Variants in CAST observed in about 807,000 individuals in gnomAD.
The protein encoded by CAST is MIR583 host.
A neutral mutation model predicts 119.6 loss-of-function variants in CAST; 76 were observed. The observed-to-expected ratio is 0.64, with a 90% CI of 0.53 to 0.77. The LOEUF is 0.77. Ranked by LOEUF, CAST falls within the 30% of genes least tolerant of loss-of-function variation. CAST has a pLI of 0.00. For missense variants in CAST, 953 were observed against 946.5 expected (o/e 1.01, Z -0.09); for synonymous variants, 319 against 331.6 (o/e 0.96, Z 0.41).
At chr5:96,312,226 G>A in the CAST span, among the ~76,000 whole-genome samples, 1 of 151,924 alleles carries the variant, frequency 6.6e-6, no homozygotes, top group Non-Finnish European at 1.5e-5. Flanking sequence ...TTATGTTTTG[G>A]ATGTCTGAAT....
chr5:95,974,510 G>T, the CAST span, among the ~76,000 whole-genome samples: 2 of 152,180 alleles, frequency 1.3e-5, no homozygotes, highest in African/African-American at 4.8e-5. Context: ...AGATACTTGT[G>T]TTATGAATTC....
the CAST span, among the ~76,000 whole-genome samples, chr5:96,057,836 C>A: frequency 6.6e-6 from 1 of 152,104 alleles, no homozygotes; most frequent in South Asian, 2.1e-4. Context: ...AAAATTTGAA[C>A]CTACATTTAT....
the CAST span, among the ~76,000 whole-genome samples, chr5:96,274,187 C>T: frequency 2.6e-5 from 4 of 151,674 alleles, no homozygotes; most frequent in Non-Finnish European, 5.9e-5. Flanking sequence ...TTGCAAGCTC[C>T]GCCTCCCGGG....
intron 12 of CAST, among the ~76,000 whole-genome samples, chr5:96,740,360 T>A (rs1472997518): frequency 6.6e-6 from 1 of 152,162 alleles, no homozygotes; most frequent in African/African-American, 2.4e-5. Context: ...AATCAAGGTG[T>A]CAGCAGTGCT....
chr5:96,678,214 C>T (rs185761755), intron 2 of CAST, among the ~76,000 whole-genome samples: 4 of 152,260 alleles, frequency 2.6e-5, no homozygotes, highest in African/African-American at 9.6e-5. Flanking sequence ...ACCTACTGCT[C>T]TGTTGAACAA....
chr5:96,412,721 C>CAATACCAT, the CAST span, among the ~76,000 whole-genome samples: 3 of 143,452 alleles, frequency 2.1e-5, no homozygotes, highest in African/African-American at 8.2e-5. Context: ...TAATACTATG[C>CAATACCAT]AATACCATGC....
chr5:96,765,169 TC>T (rs2150717803), intron 25 of CAST, 51 bp from the exon 26 acceptor site: 1 of 1,049,574 alleles, frequency 9.5e-7, no homozygotes, highest in East Asian at 2.4e-5. Context: ...CTAATTTGCC[TC>T]TGATACAGTT....
the CAST span, among the ~76,000 whole-genome samples, chr5:96,340,399 C>A: frequency 6.6e-6 from 1 of 151,126 alleles, no homozygotes; most frequent in African/African-American, 2.4e-5. Context: ...TGTTTTTCAT[C>A]TTTGTTCTGA....
At chr5:96,440,932 C>T in the CAST span, among the ~76,000 whole-genome samples, 2,691 of 152,196 alleles carry the variant, frequency 0.018, 85 homozygotes, top group African/African-American at 0.062. Flanking sequence ...GAGCATTAAG[C>T]ACAGATATAA....
the CAST span, chr5:96,391,247 G>T: frequency 6.6e-6 from 1 of 152,152 alleles, no homozygotes; most frequent in Non-Finnish European, 1.5e-5. Context: ...AGAAGAGCAG[G>T]TGAAAATTTG....
the CAST span, among the ~76,000 whole-genome samples, chr5:96,470,187 TCACACACACA>T: frequency 1.0e-4 from 15 of 144,760 alleles, no homozygotes; most frequent in East Asian, 3.7e-3. Context: ...AAATAAATGC[TCACACACACA>T]CACACACACA....
At chr5:96,713,009 C>T (rs999009504) in intron 3 of CAST, among the ~76,000 whole-genome samples, 2 of 151,968 alleles carry the variant, frequency 1.3e-5, no homozygotes, top group African/African-American at 2.4e-5. Context: ...GGTTTTGCAG[C>T]GTAAGTGCAC....
At chr5:96,274,728 T>C in the CAST span, among the ~76,000 whole-genome samples, 12 of 152,218 alleles carry the variant, frequency 7.9e-5, 1 homozygote, top group Non-Finnish European at 1.8e-4. Context: ...ATTCTTCTGG[T>C]TGGTCAAACC....
the CAST span, among the ~76,000 whole-genome samples, chr5:96,480,605 C>A: frequency 6.6e-6 from 1 of 152,012 alleles, no homozygotes; most frequent in Non-Finnish European, 1.5e-5. Context: ...TGAGATATGG[C>A]CTAGAAATGA....
chr5:96,376,727 A>G, the CAST span, among the ~76,000 whole-genome samples: 1 of 152,210 alleles, frequency 6.6e-6, no homozygotes, highest in African/African-American at 2.4e-5. Flanking sequence ...GAAGTTTGCC[A>G]CCATACCCAG....
At chr5:96,386,584 GTC>G in the CAST span, among the ~76,000 whole-genome samples, 16 of 152,300 alleles carry the variant, frequency 1.1e-4, no homozygotes, top group Middle Eastern at 6.8e-3. Flanking sequence ...TGGTTCTAAA[GTC>G]CGTTTTGTTT....
chr5:96,743,518 G>A (rs1191380196), intron 16 of CAST: 16 of 1,432,726 alleles, frequency 1.1e-5, no homozygotes, highest in Non-Finnish European at 1.5e-5. Context: ...AGGCATTGCT[G>A]TCACAATGCC....
intron 1 of CAST, among the ~76,000 whole-genome samples, chr5:96,601,334 C>A (rs1256338392): frequency 6.6e-6 from 1 of 152,172 alleles, no homozygotes; most frequent in East Asian, 1.9e-4. Context: ...AAGGAAATAC[C>A]TAAACAATCT....
At chr5:96,166,937 G>A in the CAST span, among the ~76,000 whole-genome samples, 1 of 152,110 alleles carries the variant, frequency 6.6e-6, no homozygotes, top group African/African-American at 2.4e-5. Flanking sequence ...GCTTCCAGTG[G>A]GATTACGAGC....
Sources: gnomAD v4.1 joint callset for allele counts (sites outside exome capture counted in the v4.1 genomes callset) on GRCh38, gnomAD v4.1.1 for gene constraint, MANE v1.5 for transcripts, NCBI Gene and HGNC (gene_info 2026-07-23, HGNC 2026-07-21) for gene names.